Variants in CELSR3 observed in about 807,000 individuals in gnomAD.
The protein encoded by CELSR3 is cadherin EGF LAG seven-pass G-type receptor 3.
Under a neutral mutation model 270.0 loss-of-function variants are expected in CELSR3, and 73 were observed. The observed-to-expected ratio is 0.27, with a 90% CI of 0.22 to 0.33. The LOEUF (loss-of-function observed/expected upper bound fraction) is 0.33, where lower values mean the gene tolerates loss of function less well. Among genes scored for constraint, CELSR3 ranks in the 10% least tolerant of loss-of-function variants. The pLI is 1.00. For missense variants in CELSR3, 3,614 were observed against 4,533.8 expected (o/e 0.80, Z 5.83); for synonymous variants, 1,780 against 1,905.4 (o/e 0.93, Z 1.71).
rs758510619 is a variant in CELSR3 at position 48,661,507 on chromosome 3, G to A, written c.1128C>T (p.Phe376=). 1.9e-6 allele frequency: 3 copies of A among 1,604,986 alleles called. No homozygotes were observed. In the East Asian group the frequency reaches 6.7e-5, roughly 36 times the overall value. ...TAAGGCCGCTCTGCGGGTCGATGCT[G>A]AACAGCTCCAGCGAGCGGCTGTTCA... ...ALMNSRSLEL[F]SIDPQSGLIR... is the part of the protein sequence containing the mutation. The change falls in exon 1 of 35, where the codon TTC becomes TTT. Residue 376 remains phenylalanine, a synonymous_variant. Coordinates refer to ENST00000164024, the MANE Select transcript of CELSR3 (RefSeq NM_001407.3).
rs1265366788 is a variant in CELSR3 at position 48,654,545 on chromosome 3, G to A, written c.4989-93C>T. The A allele has an allele frequency of 8.2e-6, 9 of 1,099,450 alleles. No individual in the cohort carries two copies. The African/African-American group carries it at 1.3e-4, about 15-fold the overall frequency. The allele number at this position is 1,099,450 out of a possible 1,614,324, so 68.1% of individuals were successfully genotyped here. ...AGGAAGCAGGGGGGTAGGACCCAGA[G>A]GGTAGGGTGATTGAGGGAGGAAAAT... On this transcript the variant is annotated intron_variant, in intron 6 of 34. Coordinates refer to ENST00000164024, the MANE Select transcript of CELSR3 (RefSeq NM_001407.3). The surrounding 1 kb of genome is among the most constrained non-coding windows in gnomAD (Gnocchi z 5.4).
At position 48,646,541 on chromosome 3, in the gene CELSR3, G is replaced by A. The variant is rs1198556388; in HGVS notation, c.7295+222C>T. ...CAGCCCTTTGGTCTGTCTGTACCTGGCTCATGGATCCCTCCTGTGTGTGGC... is the reference window on the plus strand; with the variant it reads ...CAGCCCTTTGGTCTGTCTGTACCTGACTCATGGATCCCTCCTGTGTGTGGC... On this transcript the variant is annotated intron_variant, in intron 21 of 34. Transcript: ENST00000164024. This position sits in a 1 kb window ranked among gnomAD's most constrained non-coding sequence, Gnocchi z 4.8. Among the ~76,000 whole-genome samples the A allele has an allele frequency of 1.3e-5, 2 of 152,172 alleles. No individual in the cohort carries two copies. Among genetic ancestry groups the A allele is most frequent in the Non-Finnish European group, 2.9e-5 (2 of 68,036 alleles).
chr3:48,661,137 G>C lies in CELSR3; in HGVS notation c.1498C>G (p.Arg500Gly), dbSNP rs778682234. The change falls in exon 1 of 35, where the codon CGA becomes GGA. Residue 500 changes from arginine (R) to glycine (G), a missense_variant. By Grantham distance (125) the Arg-to-Gly change is moderately radical. Transcript: ENST00000164024. ...CTTTCCATGTGCTCGCGGTCCACTC[G>C]GCCGCTGGTGCTGATGAGGCCGGAG... The part of the protein sequence containing the change: ...PRSGLISTSG[R>G]VDREHMESYE... The C allele has an allele frequency of 6.2e-7, 1 of 1,606,966 alleles. No individual in the cohort carries two copies. Among genetic ancestry groups the C allele is most frequent in the African/African-American group, 1.3e-5 (1 of 74,650 alleles).
At position 48,659,508 on chromosome 3, in the gene CELSR3, C is replaced by T; in HGVS notation, c.3127G>A (p.Gly1043Ser). The T allele has an allele frequency of 6.2e-7, 1 of 1,614,222 alleles. No homozygotes were observed. Among genetic ancestry groups the T allele is most frequent in the Non-Finnish European group, 8.5e-7 (1 of 1,180,052 alleles). Residue 1043 changes from glycine to serine, a missense_variant, in exon 1 of 35, where the codon GGT (glycine) becomes AGT (serine). Coordinates refer to ENST00000164024, the MANE Select transcript of CELSR3 (RefSeq NM_001407.3). This position sits in a 1 kb window ranked among gnomAD's most constrained non-coding sequence, Gnocchi z 8.1. ...YELTAYAVDR[G>S]VPPLRTPVSI... ...ACTGGAGTCCGGAGTGGGGGCACAC[C>T]TCTGTCCACTGCGTAGGCAGTCAAC...
Position 48,640,443 on chromosome 3 carries a change from C to G in CELSR3, c.9142G>C (p.Gly3048Arg). 6.2e-7 allele frequency: 1 copy of G among 1,612,626 alleles called. No individual in the cohort carries two copies. Among genetic ancestry groups the G allele is most frequent in the Non-Finnish European group, 8.5e-7 (1 of 1,179,956 alleles). Residue 3048 changes from glycine to arginine, a missense_variant, in exon 34 of 35, where the codon GGT becomes CGT. Gly to Arg is a moderately radical substitution (Grantham distance 125, BLOSUM62 -2). Around this residue, in one of 7 missense-constraint regions of CELSR3, gnomAD observed 1,240 missense variants for 1,351.7 expected, o/e 0.92. Coordinates refer to ENST00000164024, the MANE Select transcript of CELSR3 (RefSeq NM_001407.3). The surrounding 1 kb of genome is among the most constrained non-coding windows in gnomAD (Gnocchi z 7.5). ...GHRAVPAASY[G>R]RIYAGGGTGS... Reference sequence around the variant, plus strand: ...GTGCCCCCGCCAGCATAGATGCGACCGTAAGAGGCAGCTGGCACAGCACGG... The same window carrying G: ...GTGCCCCCGCCAGCATAGATGCGACGGTAAGAGGCAGCTGGCACAGCACGG...
At position 48,662,556 on chromosome 3, in the gene CELSR3, A is replaced by G; in HGVS notation, c.79T>C (p.Phe27Leu). Residue 27 changes from phenylalanine (F) to leucine (L), a missense_variant, in exon 1 of 35, where the codon TTC (phenylalanine) becomes CTC (leucine). Physicochemically the swap from Phe to Leu is conservative, Grantham distance 22. This residue lies in a region of CELSR3 where 470 missense variants were observed against 469.7 expected (regional missense o/e 1.00). Transcript: ENST00000164024. This position sits in a 1 kb window ranked among gnomAD's most constrained non-coding sequence, Gnocchi z 7.1. ...CCCAGCTCCTCCTGGCTGAGGGGGA[A>G]CAAAGAGAGGAGAAGGAGCAGGAGT... is the stretch of plus-strand genomic sequence containing the variant. ...PILLLLLLSL[F>L]PLSQEELGGG... 5 of 1,583,532 alleles carry G rather than the reference A, an allele frequency of 3.2e-6. No individual in the cohort carries two copies. Among genetic ancestry groups the G allele is most frequent in the Non-Finnish European group, 4.3e-6 (5 of 1,165,170 alleles).
intron 20 of CELSR3, 69 bp downstream of exon 20, chr3:48,647,772 G>A: frequency 1.3e-6 from 2 of 1,514,848 alleles, no homozygotes; most frequent in Non-Finnish European, 1.8e-6. Flanking sequence ...TGGCAGGAGG[G>A]CAACATAGTA....
Position 48,643,028 on chromosome 3 carries a change from C to A in CELSR3, c.8345G>T (p.Trp2782Leu). ...CTTCCTGCCCAGACAGGCTGGCATC[C>A]AGGCAGCCCGAGCATCTGCATTTAG... ...CVLNADARAA[W>L]MPACLGRKAA... Residue 2782 changes from tryptophan to leucine, a missense_variant, in exon 29 of 35, where the codon TGG becomes TTG. By Grantham distance (61) the Trp-to-Leu change is moderately conservative. Transcript: ENST00000164024. The A allele has an allele frequency of 6.2e-7, 1 of 1,612,886 alleles. No homozygotes were observed. Among genetic ancestry groups the A allele is most frequent in the South Asian group, 1.1e-5 (1 of 91,076 alleles).
rs2106714437 is a variant in CELSR3, at chr3:48,653,766, G to A, written c.5301C>T (p.Phe1767=). 6.2e-7 allele frequency: 1 copy of A among 1,614,192 alleles called. No homozygotes were observed. The highest frequency in any genetic ancestry group is 1.6e-4 in the Middle Eastern group (1 of 6,062). ...CQLTMAHPHH[F]RGNGTLSWNF... ...TCCAGCTCAGTGTGCCGTTGCCACG[G>A]AAATGGTGGGGATGGGCCATAGCTG... Residue 1767 remains phenylalanine (F), a synonymous_variant, in exon 9 of 35, where the codon TTC becomes TTT. Transcript: ENST00000164024. The surrounding 1 kb of genome is among the most constrained non-coding windows in gnomAD (Gnocchi z 6.5).
Position 48,640,559 on chromosome 3 carries a change from C to G in CELSR3, c.9026G>C (p.Gly3009Ala). 6.4e-7 allele frequency: 1 copy of G among 1,568,036 alleles called. No homozygotes were observed. The highest frequency in any genetic ancestry group is 2.2e-4 in the Middle Eastern group (1 of 4,638). Reference sequence around the variant, plus strand: ...GTATTGCAACCGGTTCTTCAGGATGCCTGTGAGAGGAAGAAAATGGGGGGC... The same window carrying G: ...GTATTGCAACCGGTTCTTCAGGATGGCTGTGAGAGGAAGAAAATGGGGGGC... ...SLGRAQRQRKGILKNRLQYPL... is the reference protein window; with the variant it reads ...SLGRAQRQRKAILKNRLQYPL... Residue 3009 changes from glycine to alanine, a missense_variant and splice_region_variant, in exon 34 of 35, where the codon GGC (glycine) becomes GCC (alanine). Coordinates refer to ENST00000164024, the MANE Select transcript of CELSR3 (RefSeq NM_001407.3). This position sits in a 1 kb window ranked among gnomAD's most constrained non-coding sequence, Gnocchi z 7.5.
rs1175976760 is a variant in CELSR3 at position 48,640,586 on chromosome 3, G to GGGTTTGTGT, written c.9026-36_9026-28dup. ...TGTGAGAGGAAGAAAATGGGGGGCA[G>GGGTTTGTGT]GGTTTGTGTGGGAGGGGGAGGGCAG... On this transcript the variant is annotated intron_variant, in intron 33 of 34. Coordinates refer to ENST00000164024, the MANE Select transcript of CELSR3 (RefSeq NM_001407.3). The surrounding 1 kb of genome is among the most constrained non-coding windows in gnomAD (Gnocchi z 7.5). 1 of 1,518,104 alleles carries GGGTTTGTGT rather than the reference G, an allele frequency of 6.6e-7. No homozygotes were observed. The highest frequency in any genetic ancestry group is 8.9e-7 in the Non-Finnish European group (1 of 1,127,944). 94.0% of individuals were successfully genotyped at this position (1,518,104 alleles called of 1,614,324 possible). A position where few individuals can be genotyped will look rare whatever the true frequency, so the allele number is the denominator to read the frequency against.
At chr3:48,656,669 C>G (rs2077025823) in intron 2 of CELSR3, 29 bp downstream of exon 2, 2 of 1,459,660 alleles carry the variant, frequency 1.4e-6, no homozygotes, top group Middle Eastern at 1.8e-4. Context: ...CCCGTGCTTC[C>G]CCCAGCTCTG....
At position 48,655,514 on chromosome 3, in the gene CELSR3, T is replaced by G. The variant is rs540554264; in HGVS notation, c.4742-120A>C. The G allele has an allele frequency of 1.9e-6, 2 of 1,041,238 alleles. No individual in the cohort carries two copies. The highest frequency in any genetic ancestry group is 1.3e-5 in the South Asian group (1 of 75,080). The allele number at this position is 1,041,238 out of a possible 1,614,324, so 64.5% of individuals were successfully genotyped here. On this transcript the variant is annotated intron_variant, in intron 4 of 34. Transcript: ENST00000164024. The surrounding 1 kb of genome is among the most constrained non-coding windows in gnomAD (Gnocchi z 5.8). ...TGCATCAGATCAGTCCCCCCACTGG[T>G]GACCACAATGGCTGGCTCAGAGTGC...
chr3:48,660,232 G>C lies in CELSR3; in HGVS notation c.2403C>G (p.Arg801=), dbSNP rs112870001. The stretch of plus-strand genomic sequence containing the variant: ...CACCCCCCTGGGTGCTGATGGCAAA[G>C]CGATTCCGGGTGTTGCCGCCTGTGA... ...YQITGGNTRN[R]FAISTQGGVG... is the part of the protein sequence containing the mutation. Residue 801 remains arginine (R), a synonymous_variant, in exon 1 of 35, where the codon CGC becomes CGG. Coordinates refer to ENST00000164024, the MANE Select transcript of CELSR3 (RefSeq NM_001407.3). The surrounding 1 kb of genome is among the most constrained non-coding windows in gnomAD (Gnocchi z 5.5). 1.2e-6 allele frequency: 2 copies of C among 1,614,158 alleles called. No homozygotes were observed. The highest frequency in any genetic ancestry group is 8.5e-7 in the Non-Finnish European group (1 of 1,180,054).
chr3:48,658,830 C>T lies in CELSR3; in HGVS notation c.3748+57G>A. On this transcript the variant is annotated intron_variant, in intron 1 of 34. Coordinates refer to ENST00000164024, the MANE Select transcript of CELSR3 (RefSeq NM_001407.3). The surrounding 1 kb of genome is among the most constrained non-coding windows in gnomAD (Gnocchi z 4.7). Reference sequence around the variant, plus strand: ...TTTGGTTTGAGGTGCCCTGTGGAGTCCCTGAGGCCCAACAGGTTGGTGTCA... The same window carrying T: ...TTTGGTTTGAGGTGCCCTGTGGAGTTCCTGAGGCCCAACAGGTTGGTGTCA... 1 of 1,582,640 alleles carries T rather than the reference C, an allele frequency of 6.3e-7. No individual in the cohort carries two copies. The highest frequency in any genetic ancestry group is 1.2e-5 in the South Asian group (1 of 84,766).
chr3:48,652,579 TGAGG>T lies in CELSR3; in HGVS notation c.5635-30_5635-27del. ...CTGGAGGAAGTGGGGCAGTCAGCAC[TGAGG>T]GAGAGGGGCCTGATGAACCCCTGTC... On this transcript the variant is annotated intron_variant, in intron 10 of 34. Transcript: ENST00000164024. This position sits in a 1 kb window ranked among gnomAD's most constrained non-coding sequence, Gnocchi z 4.3. The T allele has an allele frequency of 6.4e-7, 1 of 1,552,518 alleles. No individual in the cohort carries two copies. Among genetic ancestry groups the T allele is most frequent in the Non-Finnish European group, 8.8e-7 (1 of 1,136,714 alleles).
At position 48,639,295 on chromosome 3, in the gene CELSR3, G is replaced by A. The variant is rs149247429; in HGVS notation, c.9911+379C>T. ...CCTTGTCCTATATGACCCCCTAGGCGAACCTTCCCAAGCAAGGCCTCCTGC... is the reference window on the plus strand; with the variant it reads ...CCTTGTCCTATATGACCCCCTAGGCAAACCTTCCCAAGCAAGGCCTCCTGC... On this transcript the variant is annotated intron_variant, in intron 34 of 34. Coordinates refer to ENST00000164024, the MANE Select transcript of CELSR3 (RefSeq NM_001407.3). This position sits in a 1 kb window ranked among gnomAD's most constrained non-coding sequence, Gnocchi z 4.1. Among the ~76,000 whole-genome samples the A allele has an allele frequency of 1.3e-5, 2 of 152,176 alleles. No individual in the cohort carries two copies. Among genetic ancestry groups the A allele is most frequent in the East Asian group, 1.9e-4 (1 of 5,176 alleles).
chr3:48,656,605 C>T (rs760639704), intron 2 of CELSR3, 93 bp downstream of exon 2: 581 of 1,402,814 alleles, frequency 4.1e-4, no homozygotes, highest in Middle Eastern at 2.0e-3. Context: ...AGGCCGTGGC[C>T]TCAGAAGTGA....
chr3:48,648,646 G>T, intron 18 of CELSR3, 73 bp downstream of exon 18: 1 of 1,531,252 alleles, frequency 6.5e-7, no homozygotes, highest in South Asian at 1.2e-5. Context: ...GCAGGAGCCT[G>T]AGCTGGGGAT....
Sources: gnomAD v4.1 joint callset for allele counts (sites outside exome capture counted in the v4.1 genomes callset) on GRCh38, gnomAD v4.1.1 for gene constraint, gnomAD v4.1.1 regional missense constraint, Gnocchi (gnomAD v3.1) non-coding constraint, MANE v1.5 for transcripts, NCBI Gene and HGNC (gene_info 2026-07-23, HGNC 2026-07-21) for gene names.